Variants in H1-5 observed in about 807,000 individuals in gnomAD.
The protein encoded by H1-5 is histone H1.5.
H1-5 carries 3 observed loss-of-function variants against 4.6 expected under a neutral mutation model. That is an observed-to-expected ratio of 0.65 (90% confidence interval 0.30 to 1.68). The LOEUF is 1.68. Ranked by LOEUF, H1-5 falls within the 40% of genes most tolerant of loss-of-function variation. The probability of loss-of-function intolerance (pLI) is 0.10; values close to 1 mark genes in which losing one functional copy is unlikely to be tolerated. For synonymous variants in H1-5, 250 were observed against 123.4 expected (o/e 2.03, Z -6.80); for missense variants, 521 against 287.9 (o/e 1.81, Z -5.86).
Position 27,866,876 on chromosome 6 carries a change from G to C in H1-5, c.654C>G (p.Ala218=). 1 of 1,598,700 alleles carries C rather than the reference G, an allele frequency of 6.3e-7. No individual in the cohort carries two copies. Among genetic ancestry groups the C allele is most frequent in the South Asian group, 1.1e-5 (1 of 88,098 alleles). The part of the protein sequence containing the change: ...PKAAKPKAAK[A]KKAAAKKK ...ACTTCTTTTTGGCAGCCGCCTTCTT[G>C]GCCTTTGCAGCTTTAGGTTTTGCTG... The change falls in exon 1 of 1, where the codon GCC becomes GCG. Residue 218 remains alanine (A), a synonymous_variant. Coordinates refer to ENST00000331442, the MANE Select transcript of H1-5 (RefSeq NM_005322.3).
In H1-5 at chr6:27,867,480, T is replaced by TA; in HGVS notation, c.49_50insT (p.Lys17IlefsTer5). 6.3e-7 allele frequency: 1 copy of TA among 1,586,912 alleles called. No homozygotes were observed. On this transcript the variant is annotated frameshift_variant, in exon 1 of 1. Transcript: ENST00000331442. LOFTEE classifies it high-confidence loss of function. ...AGTTGCCTTCTTCTTAGCCGGGGAT[T>TA]TCTCCACCGGCGCTGGGGTGGCTGT... is the stretch of plus-strand genomic sequence containing the variant.
chr6:27,867,471 G>C lies in H1-5; in HGVS notation c.59C>G (p.Ala20Gly), dbSNP rs745500503. ...AGCCTTCTTAGTTGCCTTCTTCTTA[G>C]CCGGGGATTTCTCCACCGGCGCTGG... Reference protein sequence around the residue: ...ATPAPVEKSPAKKKATKKAAG... With the variant: ...ATPAPVEKSPGKKKATKKAAG... The change falls in exon 1 of 1, where the codon GCT becomes GGT. Residue 20 changes from alanine (A) to glycine (G), a missense_variant. By Grantham distance (60) the Ala-to-Gly change is moderately conservative. Coordinates refer to ENST00000331442, the MANE Select transcript of H1-5 (RefSeq NM_005322.3). 6.3e-7 allele frequency: 1 copy of C among 1,590,832 alleles called. No homozygotes were observed.
Position 27,866,852 on chromosome 6 carries a change from C to A in H1-5, c.678G>T (p.Lys226Asn). 6.3e-7 allele frequency: 1 copy of A among 1,590,172 alleles called. No homozygotes were observed. Among genetic ancestry groups the A allele is most frequent in the Non-Finnish European group, 8.5e-7 (1 of 1,172,740 alleles). ...AKAKKAAAKK[K>N] is the part of the protein sequence containing the mutation. ...GCGGTTTTCACACGCCAGCTTCCTA[C>A]TTCTTTTTGGCAGCCGCCTTCTTGG... The change falls in exon 1 of 1, where the codon AAG becomes AAT. Residue 226 changes from lysine to asparagine, a missense_variant. Physicochemically the swap from Lys to Asn is moderately conservative, Grantham distance 94 (BLOSUM62 0). Transcript: ENST00000331442.
rs571917264 is a variant in H1-5 at position 27,867,410 on chromosome 6, C to G, written c.120G>C (p.Gly40=). Residue 40 remains glycine, a synonymous_variant, in exon 1 of 1, where the codon GGG becomes GGC. Transcript: ENST00000331442. The part of the protein sequence containing the change: ...GAGAAKRKAT[G]PPVSELITKA... ...TGGTGATCAGCTCTGAGACTGGGGG[C>G]CCCGTCGCTTTGCGCTTAGCAGCGC... 3 of 1,613,960 alleles carry G rather than the reference C, an allele frequency of 1.9e-6. No individual in the cohort carries two copies. The highest frequency in any genetic ancestry group is 2.2e-5 in the East Asian group (1 of 44,872).
chr6:27,866,969 G>A lies in H1-5; in HGVS notation c.561C>T (p.Thr187=), dbSNP rs769578257. Residue 187 remains threonine, a synonymous_variant, in exon 1 of 1, where the codon ACC becomes ACT. Transcript: ENST00000331442. ...CTGCCTTGGGCTTGGCAGGACTCTT[G>A]GTTGCCTTTTTCGGTTTGGCAGCGG... ...AKAAAKPKKA[T]KSPAKPKAVK... The A allele has an allele frequency of 8.7e-6, 14 of 1,614,216 alleles. No homozygotes were observed. The South Asian group carries it at 1.3e-4, about 15-fold the overall frequency.
rs114406891 is a variant in H1-5 at position 27,867,053 on chromosome 6, C to G, written c.477G>C (p.Ala159=). 281 of 1,613,788 alleles carry G rather than the reference C, an allele frequency of 1.7e-4. No homozygotes were observed. Among genetic ancestry groups the G allele is most frequent in the Non-Finnish European group, 2.3e-4 (266 of 1,179,980 alleles). The change falls in exon 1 of 1, where the codon GCG becomes GCC. Residue 159 remains alanine, a synonymous_variant. Transcript: ENST00000331442. ...KKAVKKTPKK[A]KKPAAAGVKK... is the part of the protein sequence containing the mutation. ...TGACGCCAGCCGCCGCGGGCTTCTT[C>G]GCCTTCTTCGGAGTCTTCTTCACTG...
rs774226958 is a variant in H1-5 at position 27,867,476 on chromosome 6, G to A, written c.54C>T (p.Ser18=). ...ETATPAPVEK[S]PAKKKATKKA... The stretch of plus-strand genomic sequence containing the variant: ...TCTTAGTTGCCTTCTTCTTAGCCGG[G>A]GATTTCTCCACCGGCGCTGGGGTGG... Residue 18 remains serine, a synonymous_variant, in exon 1 of 1, where the codon TCC becomes TCT. Transcript: ENST00000331442. 2 of 1,588,306 alleles carry A rather than the reference G, an allele frequency of 1.3e-6. No individual in the cohort carries two copies. Among genetic ancestry groups the A allele is most frequent in the African/African-American group, 1.4e-5 (1 of 73,410 alleles).
At position 27,867,024 on chromosome 6, in the gene H1-5, T is replaced by C. The variant is rs1761525862; in HGVS notation, c.506A>G (p.Lys169Arg). Residue 169 changes from lysine (K) to arginine (R), a missense_variant, in exon 1 of 1, where the codon AAG becomes AGG. By Grantham distance (26) the Lys-to-Arg change is conservative. Transcript: ENST00000331442. ...GGCCTTCTTAGGGCTCTTCGCCACCTTTTTGACGCCAGCCGCCGCGGGCTT... is the reference window on the plus strand; with the variant it reads ...GGCCTTCTTAGGGCTCTTCGCCACCCTTTTGACGCCAGCCGCCGCGGGCTT... ...AKKPAAAGVK[K>R]VAKSPKKAKA... 1 of 1,614,024 alleles carries C rather than the reference T, an allele frequency of 6.2e-7. No homozygotes were observed. Among genetic ancestry groups the C allele is most frequent in the African/African-American group, 1.3e-5 (1 of 75,010 alleles).
chr6:27,867,054 G>A lies in H1-5; in HGVS notation c.476C>T (p.Ala159Val), dbSNP rs753493023. 1.2e-6 allele frequency: 2 copies of A among 1,613,792 alleles called. No homozygotes were observed. The highest frequency in any genetic ancestry group is 3.3e-5 in the Admixed American group (2 of 59,948). ...GACGCCAGCCGCCGCGGGCTTCTTC[G>A]CCTTCTTCGGAGTCTTCTTCACTGC... is the stretch of plus-strand genomic sequence containing the variant. ...KKAVKKTPKK[A>V]KKPAAAGVKK... The change falls in exon 1 of 1, where the codon GCG becomes GTG. Residue 159 changes from alanine (A) to valine (V), a missense_variant. Coordinates refer to ENST00000331442, the MANE Select transcript of H1-5 (RefSeq NM_005322.3).
In H1-5 at chr6:27,867,039, G is replaced by T. The variant is rs770736739; in HGVS notation, c.491C>A (p.Ala164Glu). The change falls in exon 1 of 1, where the codon GCG becomes GAG. Residue 164 changes from alanine (A) to glutamate (E), a missense_variant. By Grantham distance (107) the Ala-to-Glu change is moderately radical. Transcript: ENST00000331442. The part of the protein sequence containing the change: ...KTPKKAKKPA[A>E]AGVKKVAKSP... ...CTTCGCCACCTTTTTGACGCCAGCC[G>T]CCGCGGGCTTCTTCGCCTTCTTCGG... The T allele has an allele frequency of 6.2e-7, 1 of 1,613,904 alleles. No individual in the cohort carries two copies. Among genetic ancestry groups the T allele is most frequent in the Non-Finnish European group, 8.5e-7 (1 of 1,179,998 alleles).
In H1-5 at chr6:27,866,803, GA is replaced by G; in HGVS notation, c.*45del. The G allele has an allele frequency of 6.7e-7, 1 of 1,488,726 alleles. No homozygotes were observed. The highest frequency in any genetic ancestry group is 9.0e-7 in the Non-Finnish European group (1 of 1,110,896). 92.2% of individuals were successfully genotyped at this position (1,488,726 alleles called of 1,614,324 possible). ...TTTTTAGAGGTCTCTGGGTGGCTCTGAAAAGAGCCTTTGGGGCTTTGTTGCG... is the reference window on the plus strand; with the variant it reads ...TTTTTAGAGGTCTCTGGGTGGCTCTGAAAGAGCCTTTGGGGCTTTGTTGCG... On this transcript the variant is annotated 3_prime_UTR_variant, in exon 1 of 1. Transcript: ENST00000331442.
Position 27,867,473 on chromosome 6 carries a change from C to A in H1-5, c.57G>T (p.Pro19=). 1.3e-6 allele frequency: 2 copies of A among 1,589,096 alleles called. No homozygotes were observed. The highest frequency in any genetic ancestry group is 8.5e-7 in the Non-Finnish European group (1 of 1,169,864). The change falls in exon 1 of 1, where the codon CCG becomes CCT. Residue 19 remains proline, a synonymous_variant. Coordinates refer to ENST00000331442, the MANE Select transcript of H1-5 (RefSeq NM_005322.3). ...CCTTCTTAGTTGCCTTCTTCTTAGC[C>A]GGGGATTTCTCCACCGGCGCTGGGG... ...TATPAPVEKS[P]AKKKATKKAA...
chr6:27,867,517 C>T lies in H1-5; in HGVS notation c.13G>A (p.Ala5Thr), dbSNP rs1284054303. 8 of 1,544,842 alleles carry T rather than the reference C, an allele frequency of 5.2e-6. No individual in the cohort carries two copies. Among genetic ancestry groups the T allele is most frequent in the South Asian group, 5.0e-5 (4 of 79,294 alleles). The change falls in exon 1 of 1, where the codon GCT becomes ACT. Residue 5 changes from alanine to threonine, a missense_variant. Coordinates refer to ENST00000331442, the MANE Select transcript of H1-5 (RefSeq NM_005322.3). MSETAPAETATPAPV... is the reference protein window; with the variant it reads MSETTPAETATPAPV... Reference sequence around the variant, plus strand: ...GCTGGGGTGGCTGTCTCGGCAGGAGCGGTTTCCGACATGGTGGCAAGAAAC... The same window carrying T: ...GCTGGGGTGGCTGTCTCGGCAGGAGTGGTTTCCGACATGGTGGCAAGAAAC...
rs1561940870 is a variant in H1-5, at chr6:27,866,980, T to G, written c.550A>C (p.Lys184Gln). The G allele has an allele frequency of 6.2e-7, 1 of 1,614,252 alleles. No homozygotes were observed. Among genetic ancestry groups the G allele is most frequent in the Non-Finnish European group, 8.5e-7 (1 of 1,180,036 alleles). ...TTGGCAGGACTCTTGGTTGCCTTTT[T>G]CGGTTTGGCAGCGGCCTTGGCCTTC... ...PKKAKAAAKPKKATKSPAKPK... is the reference protein window; with the variant it reads ...PKKAKAAAKPQKATKSPAKPK... Residue 184 changes from lysine (K) to glutamine (Q), a missense_variant, in exon 1 of 1, where the codon AAA becomes CAA. By Grantham distance (53) the Lys-to-Gln change is moderately conservative (BLOSUM62 1). Transcript: ENST00000331442.
Position 27,867,274 on chromosome 6 carries a change from C to T in H1-5, c.256G>A (p.Gly86Ser). ...VEKNNSRIKL[G>S]LKSLVSKGTL... ...CCCTTGCTCACCAAGCTCTTGAGGC[C>T]CAGCTTAATGCGGCTGTTATTCTTC... The change falls in exon 1 of 1, where the codon GGC becomes AGC. Residue 86 changes from glycine (G) to serine (S), a missense_variant. Coordinates refer to ENST00000331442, the MANE Select transcript of H1-5 (RefSeq NM_005322.3). 1 of 1,614,238 alleles carries T rather than the reference C, an allele frequency of 6.2e-7. No homozygotes were observed.
chr6:27,866,982 G>A lies in H1-5; in HGVS notation c.548C>T (p.Pro183Leu), dbSNP rs761230901. 9 of 1,614,154 alleles carry A rather than the reference G, an allele frequency of 5.6e-6. No individual in the cohort carries two copies. The highest frequency in any genetic ancestry group is 1.7e-5 in the Admixed American group (1 of 60,014). Reference protein sequence around the residue: ...SPKKAKAAAKPKKATKSPAKP... With the variant: ...SPKKAKAAAKLKKATKSPAKP... ...GGCAGGACTCTTGGTTGCCTTTTTC[G>A]GTTTGGCAGCGGCCTTGGCCTTCTT... The change falls in exon 1 of 1, where the codon CCG becomes CTG. Residue 183 changes from proline to leucine, a missense_variant. By Grantham distance (98) the Pro-to-Leu change is moderately conservative (BLOSUM62 -3). Transcript: ENST00000331442.
At position 27,866,999 on chromosome 6, in the gene H1-5, G is replaced by C; in HGVS notation, c.531C>G (p.Ala177=). 1.2e-6 allele frequency: 2 copies of C among 1,614,190 alleles called. No homozygotes were observed. The highest frequency in any genetic ancestry group is 2.2e-5 in the South Asian group (2 of 91,064). Residue 177 remains alanine, a synonymous_variant, in exon 1 of 1, where the codon GCC becomes GCG. Coordinates refer to ENST00000331442, the MANE Select transcript of H1-5 (RefSeq NM_005322.3). ...CCTTTTTCGGTTTGGCAGCGGCCTT[G>C]GCCTTCTTAGGGCTCTTCGCCACCT... ...VKKVAKSPKK[A]KAAAKPKKAT...
Position 27,867,143 on chromosome 6 carries a change from A to G in H1-5, c.387T>C (p.Ala129=). Residue 129 remains alanine (A), a synonymous_variant, in exon 1 of 1, where the codon GCT becomes GCC. Coordinates refer to ENST00000331442, the MANE Select transcript of H1-5 (RefSeq NM_005322.3). ...AKPKAKKAGA[A]KAKKPAGATP... is the part of the protein sequence containing the mutation. ...TGGCCCCCGCGGGCTTCTTAGCTTT[A>G]GCGGCGCCTGCCTTCTTGGCTTTGG... is the stretch of plus-strand genomic sequence containing the variant. The G allele has an allele frequency of 1.2e-6, 2 of 1,613,966 alleles. No homozygotes were observed. Among genetic ancestry groups the G allele is most frequent in the East Asian group, 2.2e-5 (1 of 44,872 alleles).
rs1208625097 is a variant in H1-5 at position 27,867,431 on chromosome 6, AGCGCCG to A, written c.93_98del (p.Gly32_Ala33del). On this transcript the variant is annotated inframe_deletion, in exon 1 of 1. Coordinates refer to ENST00000331442, the MANE Select transcript of H1-5 (RefSeq NM_005322.3). ...GGGGCCCCGTCGCTTTGCGCTTAGCAGCGCCGGCGCCGGCAGCCTTCTTAGTTGCCT... is the reference window on the plus strand; with the variant it reads ...GGGGCCCCGTCGCTTTGCGCTTAGCAGCGCCGGCAGCCTTCTTAGTTGCCT... 1.6e-5 allele frequency: 25 copies of A among 1,610,374 alleles called. No homozygotes were observed. Among genetic ancestry groups the A allele is most frequent in the Middle Eastern group, 1.7e-4 (1 of 6,026 alleles).
Sources: allele counts gnomAD v4.1 joint callset, GRCh38; gene constraint gnomAD v4.1.1; transcripts MANE v1.5; gene names NCBI Gene and HGNC (gene_info 2026-07-23, HGNC 2026-07-21).